Variants in PARVA observed in about 807,000 individuals in gnomAD.
PARVA encodes the protein alpha-parvin.
In PARVA, 25 loss-of-function variants were observed where a neutral mutation model predicts 52.6. The observed-to-expected ratio is 0.48, with a 90% CI of 0.35 to 0.66. The LOEUF is 0.66. PARVA is among the 30% of genes least tolerant of loss of function. PARVA has a pLI of 0.01. For missense variants in PARVA, 373 were observed against 450.9 expected (o/e 0.83, Z 1.56); for synonymous variants, 185 against 179.1 (o/e 1.03, Z -0.26).
At chr11:12,473,597 C>A in intron 1 of PARVA, 148 bp from the exon 2 acceptor site, 2 of 644,584 alleles carry the variant, frequency 3.1e-6, no homozygotes, top group Non-Finnish European at 5.5e-6. Flanking sequence ...CAGGCGAGGC[C>A]ATGAATTGAT....
chr11:12,493,427 C>T (rs61875568), intron 4 of PARVA, among the ~76,000 whole-genome samples: 9,543 of 148,562 alleles, frequency 0.064, 603 homozygotes, highest in Admixed American at 0.2. Context: ...TTATGCAAAT[C>T]CATTTAATAC....
chr11:12,467,152 A>G (rs1480362758), intron 1 of PARVA, among the ~76,000 whole-genome samples: 2 of 152,148 alleles, frequency 1.3e-5, no homozygotes, highest in Admixed American at 1.3e-4. Context: ...TGTGTTTTTA[A>G]TTTTAAATTT....
chr11:12,446,374 G>T (rs1350523609), intron 1 of PARVA, among the ~76,000 whole-genome samples: 1 of 152,166 alleles, frequency 6.6e-6, no homozygotes, highest in Non-Finnish European at 1.5e-5. Context: ...CATGGGCAGA[G>T]ATACACCCAT....
At chr11:12,453,790 T>G (rs1296772116) in intron 1 of PARVA, among the ~76,000 whole-genome samples, 1 of 152,170 alleles carries the variant, frequency 6.6e-6, no homozygotes, top group Non-Finnish European at 1.5e-5. Context: ...TTGATTGGGT[T>G]CTGAAAACAC....
intron 1 of PARVA, among the ~76,000 whole-genome samples, chr11:12,469,427 T>C (rs1940901034): frequency 1.3e-5 from 2 of 152,108 alleles, no homozygotes; most frequent in Non-Finnish European, 2.9e-5. Context: ...CAGTTTTAGA[T>C]TGTTAGAGGA....
chr11:12,480,990 C>T (rs1156391429), intron 4 of PARVA, among the ~76,000 whole-genome samples: 2 of 152,206 alleles, frequency 1.3e-5, no homozygotes, highest in South Asian at 4.1e-4. Context: ...TTTCGTGTCA[C>T]TGGTCATGTT....
rs551661686 is a variant in PARVA at position 12,533,580 on chromosome 11, T to G, written c.*5655T>G. ...CCCTGAGCAGCTGAAAATTTGCATG[T>G]AACTTGACTCCCCCAAAACGTAACT... is the stretch of plus-strand genomic sequence containing the variant. On this transcript the variant is annotated 3_prime_UTR_variant, in exon 13 of 13. Coordinates refer to ENST00000334956, the MANE Select transcript of PARVA (RefSeq NM_018222.5). Among the ~76,000 whole-genome samples the G allele has an allele frequency of 6.6e-6, 1 of 152,272 alleles. No homozygotes were observed. Among genetic ancestry groups the G allele is most frequent in the South Asian group, 2.1e-4 (1 of 4,820 alleles).
rs540781863 is a variant in PARVA at position 12,510,888 on chromosome 11, C to CA, written c.717-619dup. Among the ~76,000 whole-genome samples the CA allele has an allele frequency of 5.3e-3, 811 of 152,158 alleles. 9 individuals are homozygous for CA. Among genetic ancestry groups the CA allele is most frequent in the African/African-American group, 0.018 (763 of 41,496 alleles). On this transcript the variant is annotated intron_variant, in intron 7 of 12. Transcript: ENST00000334956. ...CAGCCAAACCATATCAGTCACACAG[C>CA]AAAAAAATCACTCAGTGCAATTTAA...
At chr11:12,514,811 C>A (rs935062329) in intron 10 of PARVA, among the ~76,000 whole-genome samples, 1 of 152,214 alleles carries the variant, frequency 6.6e-6, no homozygotes, top group Admixed American at 6.5e-5. Context: ...ACTAAAATGG[C>A]AACATCATGT....
rs1941757579 is a variant in PARVA at position 12,530,370 on chromosome 11, C to T, written c.*2445C>T. ...AGGAATCAAGAATAAATAAAACAAACTTAATCTTCATCTTTAAAAAAAAGA... is the reference window on the plus strand; with the variant it reads ...AGGAATCAAGAATAAATAAAACAAATTTAATCTTCATCTTTAAAAAAAAGA... On this transcript the variant is annotated 3_prime_UTR_variant, in exon 13 of 13. Transcript: ENST00000334956. 6.6e-6 allele frequency: 1 copy of T among 152,050 alleles called. No individual in the cohort carries two copies. Among genetic ancestry groups the T allele is most frequent in the African/African-American group, 2.4e-5 (1 of 41,384 alleles). 9.4% of individuals were successfully genotyped at this position (152,050 alleles called of 1,614,324 possible).
chr11:12,376,693 A>G, upstream of PARVA: 1 of 981,288 alleles, frequency 1.0e-6, no homozygotes. Flanking sequence ...TGTGTGAGAG[A>G]CAGACAGAAG....
intron 12 of PARVA, among the ~76,000 whole-genome samples, chr11:12,525,258 C>A (rs1044582860): frequency 6.6e-6 from 1 of 152,184 alleles, no homozygotes; most frequent in Non-Finnish European, 1.5e-5. Context: ...AGCTACACAG[C>A]TCCAAGAGGC....
intron 1 of PARVA, among the ~76,000 whole-genome samples, chr11:12,400,320 T>C (rs1247175353): frequency 6.6e-6 from 1 of 152,270 alleles, no homozygotes; most frequent in Non-Finnish European, 1.5e-5. Context: ...ATGTTTTTCG[T>C]GCATAAACCC....
At chr11:12,497,774 T>C (rs1158537384) in intron 5 of PARVA, among the ~76,000 whole-genome samples, 1 of 152,102 alleles carries the variant, frequency 6.6e-6, no homozygotes. Flanking sequence ...GTATTGTCAA[T>C]GGGGGAGAAC....
At chr11:12,430,543 CAG>C (rs756261699) in intron 1 of PARVA, among the ~76,000 whole-genome samples, 55 of 152,302 alleles carry the variant, frequency 3.6e-4, no homozygotes, top group Non-Finnish European at 7.6e-4. Flanking sequence ...AACCCACACA[CAG>C]AGGCTCCTTT....
intron 1 of PARVA, among the ~76,000 whole-genome samples, chr11:12,463,160 C>A (rs1383077023): frequency 6.6e-6 from 1 of 151,450 alleles, no homozygotes; most frequent in East Asian, 1.9e-4. Flanking sequence ...TGGTACAATT[C>A]TTAAAATTAA....
intron 4 of PARVA, among the ~76,000 whole-genome samples, chr11:12,490,491 T>C (rs1372250508): frequency 1.4e-5 from 2 of 146,632 alleles, no homozygotes; most frequent in Admixed American, 7.0e-5. Context: ...CACTCCAGCC[T>C]GGGTGATAGA....
At chr11:12,521,100 G>GCAGGGACTCAGAAGACATCTAGTAC (rs1386647956) in intron 12 of PARVA, among the ~76,000 whole-genome samples, 1 of 152,152 alleles carries the variant, frequency 6.6e-6, no homozygotes, top group East Asian at 1.9e-4. Flanking sequence ...TAACAGGCAG[G>GCAGGGACTCAGAAGACATCTAGTAC]CAGGGACTCA....
At chr11:12,505,521 A>C (rs191528175) in intron 6 of PARVA, among the ~76,000 whole-genome samples, 1 of 152,348 alleles carries the variant, frequency 6.6e-6, no homozygotes, top group East Asian at 1.9e-4. Flanking sequence ...AGCATTAAGA[A>C]GGTATAACAG....
Sources: allele counts gnomAD v4.1 joint callset (sites outside exome capture counted in the v4.1 genomes callset), GRCh38; gene constraint gnomAD v4.1.1; transcripts MANE v1.5; gene names NCBI Gene and HGNC (gene_info 2026-07-23, HGNC 2026-07-21).